Variants in SORCS1 observed in about 807,000 individuals in gnomAD.
SORCS1 encodes sortilin related VPS10 domain containing receptor 1, also known as VPS10 domain-containing receptor SorCS1.
In SORCS1, 60 loss-of-function variants were observed where a neutral mutation model predicts 146.1. The observed-to-expected ratio is 0.41, with a 90% CI of 0.33 to 0.51. The LOEUF (loss-of-function observed/expected upper bound fraction) is 0.51. Among genes scored for constraint, SORCS1 ranks in the 20% least tolerant of loss-of-function variants. The pLI is 0.21. For synonymous variants in SORCS1, 637 were observed against 584.0 expected, an observed-to-expected ratio of 1.09 and a Z score of -1.31; for missense variants, 1,352 against 1,487.6, an observed-to-expected ratio of 0.91 and a Z score of 1.50.
chr10:106,888,159 C>CA (rs1951077507), intron 2 of SORCS1, among the ~76,000 whole-genome samples: 3 of 152,082 alleles, frequency 2.0e-5, no homozygotes, highest in African/African-American at 7.2e-5. Context: ...ACTATTCTTC[C>CA]ATTCTTCAGA....
At chr10:106,595,588 T>A (rs1845858488) in intron 24 of SORCS1, among the ~76,000 whole-genome samples, 1 of 152,188 alleles carries the variant, frequency 6.6e-6, no homozygotes, top group South Asian at 2.1e-4. Context: ...CAATAAAATA[T>A]TCTATGAAAT....
chr10:107,134,250 G>T (rs1377525164), intron 1 of SORCS1, among the ~76,000 whole-genome samples: 2 of 152,196 alleles, frequency 1.3e-5, no homozygotes, highest in South Asian at 4.1e-4. Flanking sequence ...TCATTTTACT[G>T]CAAATATTTC....
At chr10:106,734,712 T>C (rs942623208) in intron 5 of SORCS1, among the ~76,000 whole-genome samples, 16 of 152,334 alleles carry the variant, frequency 1.1e-4, no homozygotes, top group East Asian at 7.7e-4. Flanking sequence ...ATTTTTTCTA[T>C]ATTTTTCCTA....
intron 1 of SORCS1, among the ~76,000 whole-genome samples, chr10:107,102,361 C>G (rs1359290567): frequency 6.6e-6 from 1 of 152,100 alleles, no homozygotes; most frequent in South Asian, 2.1e-4. Flanking sequence ...TTGAGACGAC[C>G]TCTGGATATA....
At position 106,611,939 on chromosome 10, in the gene SORCS1, C is replaced by T. The variant is rs765084196; in HGVS notation, c.3005G>A (p.Gly1002Asp). 9.4e-5 allele frequency: 151 copies of T among 1,613,996 alleles called. 2 individuals are homozygous for T. In the South Asian group the frequency reaches 1.6e-3, roughly 17 times the overall value. ...CACCAGGGATTTTTTGATGACTCGA[C>T]CGATGTCCCTCCTCCACTCAGGGAT... ...PDIPEWRRDIGRVIKKSLVEA... is the reference protein window; with the variant it reads ...PDIPEWRRDIDRVIKKSLVEA... The change falls in exon 22 of 26, where the codon GGT (glycine) becomes GAT (aspartate). Residue 1002 changes from glycine (G) to aspartate (D), a missense_variant. By Grantham distance (94) the Gly-to-Asp change is moderately conservative. Around this residue, in one of 3 missense-constraint regions of SORCS1, gnomAD observed 214 missense variants for 204.8 expected, o/e 1.05. Coordinates refer to ENST00000263054, the MANE Select transcript of SORCS1 (RefSeq NM_052918.5).
intron 1 of SORCS1, among the ~76,000 whole-genome samples, chr10:107,117,093 C>A (rs965550979): frequency 3.9e-5 from 6 of 152,016 alleles, no homozygotes; most frequent in Non-Finnish European, 8.8e-5. Context: ...GGAAGGAGAA[C>A]TTGAAGATTT....
chr10:106,958,200 G>C (rs1254132339), intron 1 of SORCS1, among the ~76,000 whole-genome samples: 1 of 152,136 alleles, frequency 6.6e-6, no homozygotes, highest in Non-Finnish European at 1.5e-5. Context: ...CTTACATAAG[G>C]GAAAAACATT....
intron 1 of SORCS1, among the ~76,000 whole-genome samples, chr10:107,022,074 C>T (rs577029278): frequency 1.9e-4 from 29 of 152,214 alleles, no homozygotes; most frequent in African/African-American, 5.5e-4. Flanking sequence ...GAAATTTTAA[C>T]GGCCCTCTCC....
intron 1 of SORCS1, among the ~76,000 whole-genome samples, chr10:106,992,410 A>G (rs1400959876): frequency 1.3e-5 from 2 of 152,306 alleles, no homozygotes; most frequent in East Asian, 1.9e-4. Flanking sequence ...CATTTTTTCC[A>G]AGATGGAAAA....
At chr10:106,596,814 A>T (rs1845933069) in intron 24 of SORCS1, among the ~76,000 whole-genome samples, 1 of 152,228 alleles carries the variant, frequency 6.6e-6, no homozygotes, top group African/African-American at 2.4e-5. Flanking sequence ...GCATGCTTCC[A>T]TGTGAGACGT....
At chr10:106,857,087 C>T (rs1238473784) in intron 2 of SORCS1, among the ~76,000 whole-genome samples, 3 of 152,190 alleles carry the variant, frequency 2.0e-5, no homozygotes, top group Admixed American at 1.3e-4. Context: ...CCTGATTACT[C>T]TAAGTGCCCT....
intron 8 of SORCS1, among the ~76,000 whole-genome samples, chr10:106,705,192 A>G (rs1046826562): frequency 1.3e-5 from 2 of 152,212 alleles, no homozygotes; most frequent in Non-Finnish European, 2.9e-5. Context: ...GATAATTACC[A>G]CAGTCATTAA....
intron 3 of SORCS1, among the ~76,000 whole-genome samples, chr10:106,789,768 C>T (rs1405708171): frequency 6.6e-6 from 1 of 152,226 alleles, no homozygotes; most frequent in Non-Finnish European, 1.5e-5. Context: ...CAGTACTCCA[C>T]TCTCTGCAGT....
At chr10:106,625,542 G>T (rs1848052369) in intron 19 of SORCS1, among the ~76,000 whole-genome samples, 1 of 152,092 alleles carries the variant, frequency 6.6e-6, no homozygotes, top group Admixed American at 6.6e-5. Context: ...CATTTAATTT[G>T]GGGGCAGGTG....
chr10:107,013,385 A>C (rs2139760876), intron 1 of SORCS1, among the ~76,000 whole-genome samples: 1 of 152,198 alleles, frequency 6.6e-6, no homozygotes, highest in Admixed American at 6.5e-5. Flanking sequence ...CTGAGCACTG[A>C]GATGGAACCT....
At chr10:107,023,971 C>T (rs1207091631) in intron 1 of SORCS1, among the ~76,000 whole-genome samples, 4 of 151,878 alleles carry the variant, frequency 2.6e-5, no homozygotes, top group Non-Finnish European at 4.4e-5. Context: ...GTCAGGAGTT[C>T]GAGACCAGCC....
At chr10:106,895,492 T>TC (rs1951434754) in intron 2 of SORCS1, among the ~76,000 whole-genome samples, 1 of 152,142 alleles carries the variant, frequency 6.6e-6, no homozygotes, top group South Asian at 2.1e-4. Flanking sequence ...GCACCTGCAG[T>TC]CCTAGCTACT....
intron 5 of SORCS1, among the ~76,000 whole-genome samples, chr10:106,751,385 C>T (rs548713389): frequency 2.0e-5 from 3 of 152,204 alleles, no homozygotes; most frequent in Admixed American, 6.5e-5. Flanking sequence ...AAAAGAAGAG[C>T]GAACAAAGTC....
intron 1 of SORCS1, among the ~76,000 whole-genome samples, chr10:107,092,738 G>T (rs1221443036): frequency 6.6e-6 from 1 of 151,872 alleles, no homozygotes; most frequent in African/African-American, 2.4e-5. Context: ...TCTTTTTGTG[G>T]CTTTTCACTG....
Sources: gnomAD v4.1 joint callset for allele counts (sites outside exome capture counted in the v4.1 genomes callset) on GRCh38, gnomAD v4.1.1 for gene constraint, gnomAD v4.1.1 regional missense constraint, MANE v1.5 for transcripts, NCBI Gene and HGNC (gene_info 2026-07-23, HGNC 2026-07-21) for gene names.